Variants in CADM2 observed in about 807,000 individuals in gnomAD.
CADM2 encodes cell adhesion molecule 2, also known as immunoglobulin superfamily member 4D.
Under a neutral mutation model 49.8 loss-of-function variants are expected in CADM2, and 12 were observed. The ratio of observed to expected loss-of-function variants is 0.24; its 90% CI spans 0.15 to 0.39. The LOEUF (loss-of-function observed/expected upper bound fraction) is 0.39, where lower values mean the gene tolerates loss of function less well. Among genes scored for constraint, CADM2 ranks in the 10% least tolerant of loss-of-function variants. The pLI is 1.00. For missense variants in CADM2, 378 were observed against 492.3 expected, an observed-to-expected ratio of 0.77 and a Z score of 2.20; for synonymous variants, 214 against 175.4, an observed-to-expected ratio of 1.22 and a Z score of -1.74.
chr3:85,573,299 T>G (rs2062538053), intron 1 of CADM2, among the ~76,000 whole-genome samples: 1 of 152,008 alleles, frequency 6.6e-6, no homozygotes. Context: ...TTCAAGTGAT[T>G]CTCATGCCTC....
rs1241271187 is a variant in CADM2, at chr3:85,045,620, AC to A, written c.61+85953del. Among the ~76,000 whole-genome samples the A allele has an allele frequency of 2.0e-5, 3 of 151,358 alleles. No homozygotes were observed. The Admixed American group carries it at 2.0e-4, about 10-fold the overall frequency. ...TATATGTGTATATTTCACAGATAAA[AC>A]TATGCATGCGTGAGGAGAATGTGTA... is the stretch of plus-strand genomic sequence containing the variant. On this transcript the variant is annotated intron_variant, in intron 1 of 9. Transcript: ENST00000383699.
rs2043444630 is a variant in CADM2, at chr3:85,279,382, TTA to T, written c.61+319715_61+319716del. 2.0e-5 allele frequency among the ~76,000 whole-genome samples: 3 copies of T among 151,712 alleles called. No homozygotes were observed. The South Asian group carries it at 6.2e-4, about 31-fold the overall frequency. On this transcript the variant is annotated intron_variant, in intron 1 of 9. Transcript: ENST00000383699. Reference sequence around the variant, plus strand: ...AAAACATTTCTTGAAAATGCTTTTATTAATCATCAAAATACCATGATAGAAGA... The same window carrying T: ...AAAACATTTCTTGAAAATGCTTTTATATCATCAAAATACCATGATAGAAGA...
chr3:85,498,214 T>G (rs1357054157), intron 1 of CADM2, among the ~76,000 whole-genome samples: 2 of 151,612 alleles, frequency 1.3e-5, no homozygotes, highest in African/African-American at 2.4e-5. Flanking sequence ...TTTTGTAGGT[T>G]ATTTCACTGT....
chr3:85,881,593 A>G (rs1272657568), intron 3 of CADM2, among the ~76,000 whole-genome samples: 1 of 152,072 alleles, frequency 6.6e-6, no homozygotes, highest in Non-Finnish European at 1.5e-5. Context: ...ATGAGAATTT[A>G]ATTTTTAGGG....
intron 1 of CADM2, among the ~76,000 whole-genome samples, chr3:85,017,444 T>C (rs1361834067): frequency 6.6e-6 from 1 of 152,192 alleles, no homozygotes; most frequent in East Asian, 1.9e-4. Flanking sequence ...AAGCAATATA[T>C]TGTGATGTTA....
chr3:85,057,773 C>T (rs2036142888), intron 1 of CADM2, among the ~76,000 whole-genome samples: 1 of 152,114 alleles, frequency 6.6e-6, no homozygotes, highest in Non-Finnish European at 1.5e-5. Flanking sequence ...TTCTATTACA[C>T]AATAACTGAA....
chr3:85,193,375 T>A (rs1238603600), intron 1 of CADM2, among the ~76,000 whole-genome samples: 2 of 146,254 alleles, frequency 1.4e-5, no homozygotes, highest in Admixed American at 6.9e-5. Context: ...TCTTAAAAAA[T>A]TTAGCAGATC....
chr3:85,589,175 C>A (rs62250537), intron 1 of CADM2, among the ~76,000 whole-genome samples: 1 of 151,598 alleles, frequency 6.6e-6, no homozygotes, highest in African/African-American at 2.4e-5. Flanking sequence ...GGGTGTCACC[C>A]TGTAATGAGT....
intron 1 of CADM2, among the ~76,000 whole-genome samples, chr3:85,519,350 T>C (rs1426284290): frequency 6.6e-6 from 1 of 152,152 alleles, no homozygotes; most frequent in Non-Finnish European, 1.5e-5. Flanking sequence ...GCTTAGTTTT[T>C]TTATTTTTAA....
chr3:85,563,617 T>C (rs4856593), intron 1 of CADM2, among the ~76,000 whole-genome samples: 77,494 of 151,600 alleles, frequency 0.51, 22,841 homozygotes, highest in East Asian at 0.85. Flanking sequence ...TCAATAATGG[T>C]AGTTATCATT....
rs186710672 is a variant in CADM2, at chr3:86,009,915, G to A, written c.970+48268G>A. 3.8e-3 allele frequency among the ~76,000 whole-genome samples: 577 copies of A among 151,730 alleles called. 4 individuals carry two copies. The highest frequency in any genetic ancestry group is 0.013 in the African/African-American group (538 of 41,440). ...ATTATGTCATATGATTATTTTGGGG[G>A]TAACACAACACAATTTTCGATATGT... On this transcript the variant is annotated intron_variant, in intron 8 of 9. Transcript: ENST00000383699.
intron 1 of CADM2, among the ~76,000 whole-genome samples, chr3:85,357,344 A>G (rs1292770051): frequency 6.6e-6 from 1 of 152,098 alleles, no homozygotes; most frequent in Non-Finnish European, 1.5e-5. Context: ...TCTTCATTTT[A>G]CCTTTTACCT....
At chr3:85,985,630 T>G (rs1317337510) in intron 8 of CADM2, among the ~76,000 whole-genome samples, 1 of 152,102 alleles carries the variant, frequency 6.6e-6, no homozygotes, top group African/African-American at 2.4e-5. Context: ...TATTTTTAAA[T>G]CATGTGCATC....
At chr3:85,634,062 G>C (rs756519642) in intron 1 of CADM2, among the ~76,000 whole-genome samples, 70 of 152,064 alleles carry the variant, frequency 4.6e-4, no homozygotes, top group Admixed American at 6.6e-4. Context: ...TTAGGTGAGA[G>C]GTAAATCTTC....
At chr3:85,889,976 T>C (rs568250845) in intron 5 of CADM2, among the ~76,000 whole-genome samples, 109 of 152,188 alleles carry the variant, frequency 7.2e-4, no homozygotes, top group African/African-American at 2.6e-3. Context: ...TCAGTAAAGA[T>C]CTGTTTATTG....
rs116384983 is a variant in CADM2, at chr3:85,671,670, C to T, written c.62-54852C>T. Among the ~76,000 whole-genome samples the T allele has an allele frequency of 8.5e-3, 1,299 of 152,182 alleles. 14 individuals are homozygous for T. Among genetic ancestry groups the T allele is most frequent in the African/African-American group, 0.03 (1,226 of 41,508 alleles). ...TTTCCTAGCTCTTAAAGACATGAAGCGACCCTCTTACACCAGGACCTTTGC... is the reference window on the plus strand; with the variant it reads ...TTTCCTAGCTCTTAAAGACATGAAGTGACCCTCTTACACCAGGACCTTTGC... On this transcript the variant is annotated intron_variant, in intron 1 of 9. Coordinates refer to ENST00000383699, the MANE Select transcript of CADM2 (RefSeq NM_001167675.2).
intron 8 of CADM2, among the ~76,000 whole-genome samples, chr3:86,005,555 T>TAA (rs1553721577): frequency 0.038 from 3,487 of 91,778 alleles, 110 homozygotes; most frequent in East Asian, 0.084. Flanking sequence ...CCGTCTCATA[T>TAA]AAAAAAAAAA....
At chr3:85,544,580 A>C (rs1448809736) in intron 1 of CADM2, among the ~76,000 whole-genome samples, 2 of 152,148 alleles carry the variant, frequency 1.3e-5, no homozygotes, top group Admixed American at 6.5e-5. Flanking sequence ...CCGTCTCAAA[A>C]AATAAAAATA....
chr3:85,009,554 T>C (rs1228112393), intron 1 of CADM2, among the ~76,000 whole-genome samples: 1 of 152,174 alleles, frequency 6.6e-6, no homozygotes, highest in African/African-American at 2.4e-5. Context: ...CTTGGTAATA[T>C]CTAATTTAAT....
Sources: gnomAD v4.1 joint callset for allele counts (sites outside exome capture counted in the v4.1 genomes callset) on GRCh38, gnomAD v4.1.1 for gene constraint, MANE v1.5 for transcripts, NCBI Gene and HGNC (gene_info 2026-07-23, HGNC 2026-07-21) for gene names.